AFF3: variants seen among roughly 807,000 people sequenced by gnomAD.
AFF3 encodes AF4/FMR2 family member 3.
A neutral mutation model predicts 129.7 loss-of-function variants in AFF3; 32 were observed. The observed-to-expected ratio is 0.25, with a 90% CI of 0.19 to 0.33. The LOEUF is 0.33. Ranked by LOEUF, AFF3 falls within the 10% of genes least tolerant of loss-of-function variation. The probability of loss-of-function intolerance (pLI) is 1.00; values close to 1 mark genes in which losing one functional copy is unlikely to be tolerated. For synonymous variants in AFF3, 644 were observed against 635.4 expected (o/e 1.01, Z -0.20); for missense variants, 1,373 against 1,592.0 (o/e 0.86, Z 2.34).
intron 13 of AFF3, among the ~76,000 whole-genome samples, chr2:99,648,136 G>A (rs192375369): frequency 1.3e-5 from 2 of 151,670 alleles, no homozygotes; most frequent in African/African-American, 4.8e-5. Flanking sequence ...ATTTATATGT[G>A]TAGCTTTACT....
chr2:100,007,223 C>T lies in AFF3; in HGVS notation c.412G>A (p.Val138Met), dbSNP rs773217842. The T allele has an allele frequency of 1.1e-5, 18 of 1,613,964 alleles. No individual in the cohort carries two copies. Among genetic ancestry groups the T allele is most frequent in the East Asian group, 4.5e-5 (2 of 44,886 alleles). Residue 138 changes from valine (V) to methionine (M), a missense_variant, in exon 6 of 25, where the codon GTG becomes ATG. Transcript: ENST00000672756. Reference sequence around the variant, plus strand: ...ATAGTGCCTCTCTTACTCTGCTGCACGGGGACAGCTGCTGGTGTGGAAGTT... The same window carrying T: ...ATAGTGCCTCTCTTACTCTGCTGCATGGGGACAGCTGCTGGTGTGGAAGTT... ...TTTSTPAAVP[V>M]QQSKRGTMGW... is the part of the protein sequence containing the mutation.
intron 7 of AFF3, among the ~76,000 whole-genome samples, chr2:99,990,808 G>A (rs368454734): frequency 3.9e-5 from 6 of 152,228 alleles, no homozygotes; most frequent in African/African-American, 9.6e-5. Flanking sequence ...GTATGGATAC[G>A]GAAAAAGAAT....
chr2:99,708,858 C>T (rs1337482529), intron 11 of AFF3, among the ~76,000 whole-genome samples: 3 of 152,142 alleles, frequency 2.0e-5, no homozygotes, highest in African/African-American at 7.2e-5. Flanking sequence ...TTCCAAAATG[C>T]CGTTCTCTTA....
At chr2:99,688,949 A>G (rs1002714998) in intron 11 of AFF3, among the ~76,000 whole-genome samples, 2 of 152,136 alleles carry the variant, frequency 1.3e-5, no homozygotes, top group Non-Finnish European at 2.9e-5. Context: ...ACTGGCCTCA[A>G]ACCAGAACCT....
chr2:100,016,573 T>C (rs1411160622), intron 4 of AFF3, among the ~76,000 whole-genome samples: 1 of 149,766 alleles, frequency 6.7e-6, no homozygotes, highest in Non-Finnish European at 1.5e-5. Context: ...GTGGTGAACA[T>C]GTTAGTGACA....
chr2:99,805,268 A>G (rs765420232), intron 8 of AFF3, among the ~76,000 whole-genome samples: 6 of 152,232 alleles, frequency 3.9e-5, no homozygotes, highest in Non-Finnish European at 5.9e-5. Context: ...TGTTGACTAT[A>G]TACCTGCTTG....
intron 7 of AFF3, among the ~76,000 whole-genome samples, chr2:99,844,815 C>T (rs1339218119): frequency 6.6e-6 from 1 of 152,076 alleles, no homozygotes; most frequent in Non-Finnish European, 1.5e-5. Context: ...TTCATGGGTA[C>T]CATTTGCTTG....
intron 11 of AFF3, among the ~76,000 whole-genome samples, chr2:99,705,500 G>A: frequency 6.6e-6 from 1 of 151,176 alleles, no homozygotes; most frequent in East Asian, 1.9e-4. Context: ...TAAGTTTAAG[G>A]TGAAAAAAAA....
chr2:99,972,962 T>C (rs1337604064), intron 7 of AFF3, among the ~76,000 whole-genome samples: 2 of 152,316 alleles, frequency 1.3e-5, no homozygotes, highest in Middle Eastern at 3.4e-3. Context: ...TCAACACCTA[T>C]AAATGGTTAG....
At chr2:100,037,439 TA>T (rs1685012585) in intron 4 of AFF3, among the ~76,000 whole-genome samples, 1 of 128,090 alleles carries the variant, frequency 7.8e-6, no homozygotes, top group South Asian at 2.2e-4. Flanking sequence ...TATATATTTA[TA>T]TTTTATATAT....
chr2:99,981,627 T>A (rs1346069712), intron 7 of AFF3, among the ~76,000 whole-genome samples: 1 of 152,190 alleles, frequency 6.6e-6, no homozygotes. Flanking sequence ...TTCCTACATG[T>A]TTTTGAATAT....
chr2:99,626,519 TCTTC>T (rs990113206), intron 13 of AFF3, among the ~76,000 whole-genome samples: 7 of 92,366 alleles, frequency 7.6e-5, no homozygotes, highest in South Asian at 8.2e-4. Context: ...TTCCCCTTCC[TCTTC>T]CTTCCTTCCT....
chr2:100,105,254 G>T, intron 3 of AFF3: 1 of 1,116,982 alleles, frequency 9.0e-7, no homozygotes, highest in Non-Finnish European at 1.1e-6. Flanking sequence ...CGGCGGACCC[G>T]GGTGGGTGCG....
chr2:99,646,182 G>C (rs546551472), intron 13 of AFF3, among the ~76,000 whole-genome samples: 1 of 152,238 alleles, frequency 6.6e-6, no homozygotes, highest in African/African-American at 2.4e-5. Flanking sequence ...AAATAGCTCC[G>C]GCCTTGTCTA....
At chr2:99,757,754 G>C (rs1682242546) in intron 8 of AFF3, among the ~76,000 whole-genome samples, 1 of 152,114 alleles carries the variant, frequency 6.6e-6, no homozygotes, top group African/African-American at 2.4e-5. Context: ...GCACATGCTG[G>C]TAGCACCTCC....
intron 5 of AFF3, chr2:100,007,862 C>G (rs1270645307): frequency 5.3e-6 from 1 of 189,972 alleles, no homozygotes; most frequent in African/African-American, 2.4e-5. Context: ...GTAGTCCCAG[C>G]TACTCAGGAG....
intron 8 of AFF3, among the ~76,000 whole-genome samples, chr2:99,817,176 C>T (rs1304736973): frequency 2.0e-5 from 3 of 152,254 alleles, no homozygotes; most frequent in East Asian, 1.9e-4. Flanking sequence ...AAAGGCTTCT[C>T]GAGATTCTCC....
At chr2:99,561,105 A>G (rs1198962434) in intron 20 of AFF3, among the ~76,000 whole-genome samples, 2 of 152,210 alleles carry the variant, frequency 1.3e-5, no homozygotes, top group Non-Finnish European at 2.9e-5. Context: ...TAATGATCAG[A>G]TTGTCCTAGG....
intron 1 of AFF3, among the ~76,000 whole-genome samples, chr2:100,138,412 C>T (rs993528022): frequency 6.6e-6 from 1 of 152,168 alleles, no homozygotes; most frequent in Non-Finnish European, 1.5e-5. Flanking sequence ...TGGTTCTTAA[C>T]GGTGTTCTTA....
Sources: allele counts gnomAD v4.1 joint callset (sites outside exome capture counted in the v4.1 genomes callset), GRCh38; gene constraint gnomAD v4.1.1; transcripts MANE v1.5; gene names NCBI Gene and HGNC (gene_info 2026-07-23, HGNC 2026-07-21).